The following PRKAA2 variants were observed in gnomAD, a reference collection of about 807,000 sequenced individuals.
PRKAA2 encodes 5'-AMP-activated protein kinase catalytic subunit alpha-2.
PRKAA2 carries 40 observed loss-of-function variants against 56.3 expected under a neutral mutation model. The observed-to-expected ratio is 0.71, with a 90% CI of 0.55 to 0.92. The LOEUF (loss-of-function observed/expected upper bound fraction) is 0.92, where lower values mean the gene tolerates loss of function less well. Among genes scored for constraint, PRKAA2 ranks in the 40% least tolerant of loss-of-function variants. The pLI is 0.00. For synonymous variants in PRKAA2, 214 were observed against 234.2 expected, an observed-to-expected ratio of 0.91 and a Z score of 0.79; for missense variants, 542 against 686.9, an observed-to-expected ratio of 0.79 and a Z score of 2.36.
At position 56,658,587 on chromosome 1, in the gene PRKAA2, T is replaced by C. The variant is rs1035979678; in HGVS notation, c.94+13106T>C. Among the ~76,000 whole-genome samples, 11 of 130,202 alleles carry C rather than the reference T, an allele frequency of 8.4e-5. No individual in the cohort carries two copies. The Middle Eastern group carries it at 0.013, about 149-fold the overall frequency. The allele number at this position is 130,202 out of a possible 152,430, so 85.4% of individuals were successfully genotyped here. Reference sequence around the variant, plus strand: ...TAAATGTTGTTGTTTTTTTTTTTCTTCCCCCCCCCCGCCATTTTTTGTTTG... The same window carrying C: ...TAAATGTTGTTGTTTTTTTTTTTCTCCCCCCCCCCCGCCATTTTTTGTTTG... On this transcript the variant is annotated intron_variant, in intron 1 of 8. Transcript: ENST00000371244.
At chr1:56,663,165 C>T (rs1644008315) in intron 1 of PRKAA2, among the ~76,000 whole-genome samples, 1 of 152,180 alleles carries the variant, frequency 6.6e-6, no homozygotes, top group African/African-American at 2.4e-5. Context: ...GCAATCATAG[C>T]TCACTGCAGC....
Position 56,699,259 on chromosome 1 carries a change from A to G in PRKAA2, c.788+3100A>G, listed in dbSNP as rs187097757. ...TAGCTGCACTTAAAGAAATTTGGGC[A>G]TATCATGAGGTTTCTAAAATTTGAT... On this transcript the variant is annotated intron_variant, in intron 6 of 8. Transcript: ENST00000371244. Among the ~76,000 whole-genome samples the G allele has an allele frequency of 6.2e-4, 94 of 152,332 alleles. No homozygotes were observed. In the East Asian group the frequency reaches 0.018, roughly 28 times the overall value.
At chr1:56,655,275 T>TAC (rs2100382592) in intron 1 of PRKAA2, among the ~76,000 whole-genome samples, 1 of 52,806 alleles carries the variant, frequency 1.9e-5, no homozygotes, top group Non-Finnish European at 3.6e-5. Context: ...TATCTATATA[T>TAC]ATATATTTTT....
At chr1:56,646,212 G>C (rs1470098417) in intron 1 of PRKAA2, among the ~76,000 whole-genome samples, 1 of 152,136 alleles carries the variant, frequency 6.6e-6, no homozygotes, top group Admixed American at 6.5e-5. Flanking sequence ...TTCTTCCTGG[G>C]GTGTTGTTTA....
chr1:56,709,133 A>G lies in PRKAA2; in HGVS notation c.*1420A>G, dbSNP rs539804547. On this transcript the variant is annotated 3_prime_UTR_variant, in exon 9 of 9. Coordinates refer to ENST00000371244, the MANE Select transcript of PRKAA2 (RefSeq NM_006252.4). ...TAATTAACACTTATTTACCTGGATT[A>G]CCCTAAAAAAATTAAGCTCTTGAAA... 339 of 152,198 alleles carry G rather than the reference A, an allele frequency of 2.2e-3. No individual in the cohort carries two copies. Among genetic ancestry groups the G allele is most frequent in the African/African-American group, 8.0e-3 (334 of 41,548 alleles). The allele number at this position is 152,198 out of a possible 1,614,324, so 9.4% of individuals were successfully genotyped here.
chr1:56,714,970 A>G lies in PRKAA2; in HGVS notation c.*7257A>G, dbSNP rs1644396222. The G allele has an allele frequency of 6.6e-6, 1 of 152,058 alleles. No individual in the cohort carries two copies. Among genetic ancestry groups the G allele is most frequent in the Non-Finnish European group, 1.5e-5 (1 of 67,988 alleles). 9.4% of individuals were successfully genotyped at this position (152,058 alleles called of 1,614,324 possible). A position where few individuals can be genotyped will look rare whatever the true frequency, so the allele number is the denominator to read the frequency against. ...CATTGAAGTACTTCATTACGTATTT[A>G]TTGAAAATTTTTTTTAATTGTTGAA... is the stretch of plus-strand genomic sequence containing the variant. On this transcript the variant is annotated 3_prime_UTR_variant, in exon 9 of 9. Coordinates refer to ENST00000371244, the MANE Select transcript of PRKAA2 (RefSeq NM_006252.4).
rs967838534 is a variant in PRKAA2, at chr1:56,713,971, A to T, written c.*6258A>T. On this transcript the variant is annotated 3_prime_UTR_variant, in exon 9 of 9. Transcript: ENST00000371244. Reference sequence around the variant, plus strand: ...TCTAATCCCTCTCAGTTCTCCTTAGATCTGCCTCCTACAAATGATCATGTT... The same window carrying T: ...TCTAATCCCTCTCAGTTCTCCTTAGTTCTGCCTCCTACAAATGATCATGTT... 3 of 151,672 alleles carry T rather than the reference A, an allele frequency of 2.0e-5. No homozygotes were observed. The highest frequency in any genetic ancestry group is 7.3e-5 in the African/African-American group (3 of 41,298). 9.4% of individuals were successfully genotyped at this position (151,672 alleles called of 1,614,324 possible).
chr1:56,664,838 A>G (rs1644022185), intron 1 of PRKAA2, among the ~76,000 whole-genome samples: 2 of 146,796 alleles, frequency 1.4e-5, no homozygotes, highest in African/African-American at 5.1e-5. Context: ...AAACACATGT[A>G]TGCATAAGTA....
At chr1:56,668,238 G>A (rs1341011035) in intron 1 of PRKAA2, among the ~76,000 whole-genome samples, 1 of 146,986 alleles carries the variant, frequency 6.8e-6, no homozygotes, top group Admixed American at 7.2e-5. Flanking sequence ...CACAGGAAGG[G>A]GAACATCACA....
chr1:56,683,929 G>A (rs1241859807), intron 2 of PRKAA2, among the ~76,000 whole-genome samples: 1 of 152,118 alleles, frequency 6.6e-6, no homozygotes, highest in Non-Finnish European at 1.5e-5. Flanking sequence ...GGTATGATGT[G>A]ATCTGACTTA....
intron 6 of PRKAA2, among the ~76,000 whole-genome samples, chr1:56,700,985 T>G (rs1049353996): frequency 6.6e-6 from 1 of 152,198 alleles, no homozygotes; most frequent in African/African-American, 2.4e-5. Flanking sequence ...TCAGCCATTT[T>G]TCTTGAATAA....
chr1:56,692,503 G>T lies in PRKAA2; in HGVS notation c.475+1G>T, dbSNP rs1360218228. The T allele has an allele frequency of 1.2e-6, 2 of 1,613,682 alleles. No homozygotes were observed. The highest frequency in any genetic ancestry group is 1.7e-6 in the Non-Finnish European group (2 of 1,179,842). On this transcript the variant is annotated splice_donor_variant, in intron 4 of 8. Coordinates refer to ENST00000371244, the MANE Select transcript of PRKAA2 (RefSeq NM_006252.4). LOFTEE classifies it high-confidence loss of function. ...ATGAATGCCAAGATAGCCGATTTCG[G>T]TATGTAACTCCAGGGTTGTTCAGAA...
chr1:56,659,729 G>A (rs1395254636), intron 1 of PRKAA2, among the ~76,000 whole-genome samples: 2 of 151,786 alleles, frequency 1.3e-5, no homozygotes, highest in Non-Finnish European at 2.9e-5. Flanking sequence ...ACAAAATGGC[G>A]AAACCCCATC....
chr1:56,649,698 C>CA (rs553629397), intron 1 of PRKAA2, among the ~76,000 whole-genome samples: 1 of 152,126 alleles, frequency 6.6e-6, no homozygotes, highest in Non-Finnish European at 1.5e-5. Context: ...AGGCTGTTCT[C>CA]AAACTTGTGG....
At chr1:56,651,754 C>A (rs1006741850) in intron 1 of PRKAA2, among the ~76,000 whole-genome samples, 2 of 151,768 alleles carry the variant, frequency 1.3e-5, no homozygotes, top group African/African-American at 4.8e-5. Context: ...TCTTTCATTT[C>A]TTATTATAAA....
rs1644364609 is a variant in PRKAA2, at chr1:56,710,804, A to T, written c.*3091A>T. 6.6e-6 allele frequency: 1 copy of T among 152,262 alleles called. No individual in the cohort carries two copies. Among genetic ancestry groups the T allele is most frequent in the Admixed American group, 6.5e-5 (1 of 15,292 alleles). 9.4% of individuals were successfully genotyped at this position (152,262 alleles called of 1,614,324 possible). ...AAGATTACTTGTTAAAAAAAAGTCT[A>T]AGAGACTAATGACTCATGCTTATGG... On this transcript the variant is annotated 3_prime_UTR_variant, in exon 9 of 9. Coordinates refer to ENST00000371244, the MANE Select transcript of PRKAA2 (RefSeq NM_006252.4).
chr1:56,657,084 A>G (rs1268229986), intron 1 of PRKAA2, among the ~76,000 whole-genome samples: 2 of 152,200 alleles, frequency 1.3e-5, no homozygotes, highest in African/African-American at 4.8e-5. Context: ...CCATTCCTAG[A>G]GATATCATTG....
intron 1 of PRKAA2, among the ~76,000 whole-genome samples, chr1:56,668,549 C>A (rs1046742707): frequency 6.6e-6 from 1 of 152,050 alleles, no homozygotes; most frequent in African/African-American, 2.4e-5. Context: ...ATTTCCATAG[C>A]CTTTACATTT....
Position 56,679,015 on chromosome 1 carries a change from A to G in PRKAA2, c.236+4493A>G, listed in dbSNP as rs577450760. On this transcript the variant is annotated intron_variant, in intron 2 of 8. Coordinates refer to ENST00000371244, the MANE Select transcript of PRKAA2 (RefSeq NM_006252.4). ...AGCCTAATTCTTTTTAGTCTATCTT[A>G]TTTAACCTATGGCCTGCTTTTTAAC... Among the ~76,000 whole-genome samples the G allele has an allele frequency of 1.2e-4, 19 of 152,202 alleles. No individual in the cohort carries two copies. The East Asian group carries it at 3.5e-3, about 28-fold the overall frequency.
Sources: allele counts gnomAD v4.1 joint callset (sites outside exome capture counted in the v4.1 genomes callset), GRCh38; gene constraint gnomAD v4.1.1; transcripts MANE v1.5; gene names NCBI Gene and HGNC (gene_info 2026-07-23, HGNC 2026-07-21).